The following IPO5 variants were observed in gnomAD, a reference collection of about 807,000 sequenced individuals.
IPO5 encodes importin-5.
In IPO5, 18 loss-of-function variants were observed where a neutral mutation model predicts 143.3. That is an observed-to-expected ratio of 0.13 (90% CI 0.09 to 0.19). The LOEUF is 0.19. Among genes scored for constraint, IPO5 ranks in the 10% least tolerant of loss-of-function variants. IPO5 has a pLI of 1.00. For missense variants in IPO5, 1,013 were observed against 1,336.9 expected (o/e 0.76, Z 3.78); for synonymous variants, 477 against 465.7 (o/e 1.02, Z -0.31).
At chr13:97,983,539 C>G (rs1301726670) in intron 5 of IPO5, among the ~76,000 whole-genome samples, 1 of 8,354 alleles carries the variant, frequency 1.2e-4, no homozygotes, top group Admixed American at 5.7e-4. Context: ...CTAATTCCAC[C>G]CCCCCCCCCC....
intron 4 of IPO5, among the ~76,000 whole-genome samples, chr13:97,980,881 T>A (rs1369198159): frequency 1.3e-5 from 2 of 151,578 alleles, no homozygotes; most frequent in Admixed American, 6.6e-5. Flanking sequence ...ACTGAAAATT[T>A]AAGTGTTAAA....
At chr13:97,964,443 C>CTT (rs369952371) in intron 2 of IPO5, among the ~76,000 whole-genome samples, 45 of 108,208 alleles carry the variant, frequency 4.2e-4, no homozygotes, top group African/African-American at 5.0e-4. Context: ...CCATTTCTTT[C>CTT]TTTTTTTTTT....
chr13:98,011,655 C>T (rs603534), intron 20 of IPO5, among the ~76,000 whole-genome samples: 3,266 of 151,690 alleles, frequency 0.022, 105 homozygotes, highest in African/African-American at 0.073. Context: ...TACAGGTGCC[C>T]GCCACCATGC....
At chr13:97,965,623 T>C (rs1288177809) in intron 2 of IPO5, among the ~76,000 whole-genome samples, 1 of 152,200 alleles carries the variant, frequency 6.6e-6, no homozygotes, top group Non-Finnish European at 1.5e-5. Flanking sequence ...TTTGATGCTA[T>C]TGTAAATAAA....
intron 27 of IPO5, among the ~76,000 whole-genome samples, chr13:98,020,290 T>G (rs551141198): frequency 4.7e-4 from 72 of 152,336 alleles, no homozygotes; most frequent in African/African-American, 1.7e-3. Flanking sequence ...GTCGCTATTA[T>G]TATTTTTAGG....
chr13:97,992,172 G>A (rs1235930520), intron 9 of IPO5, among the ~76,000 whole-genome samples: 1 of 152,190 alleles, frequency 6.6e-6, no homozygotes, highest in African/African-American at 2.4e-5. Context: ...GAAATCTCTA[G>A]TTACTGTTGA....
rs560801456 is a variant in IPO5, at chr13:97,982,595, A to G, written c.171+12A>G. 7 of 1,491,006 alleles carry G rather than the reference A, an allele frequency of 4.7e-6. No homozygotes were observed. The East Asian group carries it at 9.1e-5, about 19-fold the overall frequency. 92.4% of individuals were successfully genotyped at this position (1,491,006 alleles called of 1,614,324 possible). A position where few individuals can be genotyped will look rare whatever the true frequency, so the allele number is the denominator to read the frequency against. On this transcript the variant is annotated intron_variant, in intron 5 of 28. Coordinates refer to ENST00000651721, the MANE Select transcript of IPO5 (RefSeq NM_002271.6). ...CAGCTGCTGAAGAGGTACTACCTTAATATTTGTGACTATTACATTCTTAGA... is the reference window on the plus strand; with the variant it reads ...CAGCTGCTGAAGAGGTACTACCTTAGTATTTGTGACTATTACATTCTTAGA...
chr13:97,965,750 ATAGT>A (rs1226370846), intron 2 of IPO5, among the ~76,000 whole-genome samples: 2 of 126,006 alleles, frequency 1.6e-5, no homozygotes, highest in African/African-American at 3.6e-5. Context: ...GTTTGTTCTA[ATAGT>A]TTGTGTGTGT....
intron 4 of IPO5, among the ~76,000 whole-genome samples, chr13:97,978,673 C>T (rs1457210695): frequency 1.3e-5 from 2 of 152,156 alleles, no homozygotes; most frequent in Admixed American, 1.3e-4. Context: ...TCATGTGTTA[C>T]AAAGCAGAAC....
chr13:97,980,382 T>C (rs1314923803), intron 4 of IPO5, among the ~76,000 whole-genome samples: 1 of 152,138 alleles, frequency 6.6e-6, no homozygotes, highest in African/African-American at 2.4e-5. Context: ...GGCTTCTAAT[T>C]CATTATGGAG....
chr13:98,012,752 C>T (rs1336662592), intron 21 of IPO5, among the ~76,000 whole-genome samples: 1 of 151,470 alleles, frequency 6.6e-6, no homozygotes, highest in African/African-American at 2.4e-5. Context: ...ACCACAACTT[C>T]CCAAGTAGCT....
chr13:97,986,689 A>C (rs1887380820), intron 6 of IPO5, among the ~76,000 whole-genome samples: 1 of 152,208 alleles, frequency 6.6e-6, no homozygotes, highest in African/African-American at 2.4e-5. Flanking sequence ...TATTTTTTTA[A>C]GTGAGGTAAA....
chr13:98,015,508 T>A, intron 22 of IPO5, 22 bp from the exon 23 acceptor site: 3 of 1,418,260 alleles, frequency 2.1e-6, no homozygotes, highest in Non-Finnish European at 2.9e-6. Context: ...TATGGATTGC[T>A]TTCTTTCCTC....
intron 2 of IPO5, among the ~76,000 whole-genome samples, chr13:97,960,782 C>A (rs942275501): frequency 3.3e-5 from 5 of 152,178 alleles, no homozygotes; most frequent in African/African-American, 1.2e-4. Flanking sequence ...TGGTCTCGAA[C>A]TCCTGACCTC....
At position 98,024,128 on chromosome 13, in the gene IPO5, T is replaced by C. The variant is rs900181639; in HGVS notation, c.*2306T>C. ...TTACACGCACAAGTGTTAGAAACTT[T>C]GGCATAACTCAATTTGGAGTATTTT... On this transcript the variant is annotated 3_prime_UTR_variant, in exon 29 of 29. Coordinates refer to ENST00000651721, the MANE Select transcript of IPO5 (RefSeq NM_002271.6). 2 of 152,212 alleles carry C rather than the reference T, an allele frequency of 1.3e-5. No homozygotes were observed. Among genetic ancestry groups the C allele is most frequent in the Admixed American group, 1.3e-4 (2 of 15,272 alleles). 9.4% of individuals were successfully genotyped at this position (152,212 alleles called of 1,614,324 possible).
chr13:98,013,720 A>G (rs1272173881), intron 21 of IPO5, among the ~76,000 whole-genome samples: 4 of 152,222 alleles, frequency 2.6e-5, no homozygotes, highest in Non-Finnish European at 5.9e-5. Context: ...TTAGAAACAG[A>G]TAGTACCTAA....
intron 21 of IPO5, 91 bp downstream of exon 21, chr13:98,012,433 TCAC>T (rs1889786785): frequency 1.3e-6 from 1 of 798,136 alleles, no homozygotes; most frequent in Admixed American, 1.8e-5. Flanking sequence ...GAAGTAGACT[TCAC>T]CATGATTGTT....
At chr13:98,019,893 T>G in intron 27 of IPO5, 84 bp downstream of exon 27, 2 of 852,436 alleles carry the variant, frequency 2.3e-6, no homozygotes, top group Non-Finnish European at 3.9e-6. Context: ...CTTTTAAGGT[T>G]TAACCACATG....
rs549947941 is a variant in IPO5 at position 97,966,925 on chromosome 13, A to T, written c.-112-2798A>T. Reference sequence around the variant, plus strand: ...GTGGTGTGTGCCTATAGTCCCAGCTACTTGGGAGGCTGAGGCAGGAGAATT... The same window carrying T: ...GTGGTGTGTGCCTATAGTCCCAGCTTCTTGGGAGGCTGAGGCAGGAGAATT... On this transcript the variant is annotated intron_variant, in intron 2 of 28. Coordinates refer to ENST00000651721, the MANE Select transcript of IPO5 (RefSeq NM_002271.6). Among the ~76,000 whole-genome samples, 356 of 152,278 alleles carry T rather than the reference A, an allele frequency of 2.3e-3. 1 individual carries two copies. The highest frequency in any genetic ancestry group is 8.0e-3 in the African/African-American group (331 of 41,554).
Sources: allele counts gnomAD v4.1 joint callset (sites outside exome capture counted in the v4.1 genomes callset), GRCh38; gene constraint gnomAD v4.1.1; transcripts MANE v1.5; gene names NCBI Gene and HGNC (gene_info 2026-07-23, HGNC 2026-07-21).